The following SERPINB12 variants were observed in gnomAD, a reference collection of about 807,000 sequenced individuals.
SERPINB12 encodes serpin family B member 12.
SERPINB12 carries 57 observed loss-of-function variants against 41.1 expected under a neutral mutation model. That is an observed-to-expected ratio of 1.39 (90% confidence interval 1.12 to 1.73). The LOEUF (loss-of-function observed/expected upper bound fraction) is 1.73. Ranked by LOEUF, SERPINB12 falls within the 40% of genes most tolerant of loss-of-function variation. The pLI is 0.00. For synonymous variants in SERPINB12, 180 were observed against 181.3 expected (o/e 0.99, Z 0.06); for missense variants, 536 against 501.9 (o/e 1.07, Z -0.65).
intron 1 of SERPINB12, among the ~76,000 whole-genome samples, chr18:63,548,278 A>G (rs944205192): frequency 6.6e-6 from 1 of 152,074 alleles, no homozygotes; most frequent in African/African-American, 2.4e-5. Context: ...AATACCTTTA[A>G]AAAATTAAAA....
At chr18:63,559,229 A>T (rs1174040939) in intron 3 of SERPINB12, among the ~76,000 whole-genome samples, 3 of 151,434 alleles carry the variant, frequency 2.0e-5, no homozygotes, top group Non-Finnish European at 2.9e-5. Context: ...CTCAGCCTCC[A>T]GAGTAGCTGG....
chr18:63,537,889 T>C (rs1175074247), upstream of SERPINB12, among the ~76,000 whole-genome samples: 1 of 152,088 alleles, frequency 6.6e-6, no homozygotes, highest in African/African-American at 2.4e-5. Context: ...TTTGGATCAG[T>C]TGAGAGTAGG....
chr18:63,568,381 A>G lies in SERPINB12; in HGVS notation c.*1370A>G, dbSNP rs1911184894. Among the ~76,000 whole-genome samples the G allele has an allele frequency of 6.6e-6, 1 of 152,132 alleles. No homozygotes were observed. The highest frequency in any genetic ancestry group is 2.1e-4 in the South Asian group (1 of 4,826). On this transcript the variant is annotated 3_prime_UTR_variant, in exon 8 of 8. Transcript: ENST00000382768. ...GGGTGACAGAGCGAAACCCTGTCTC[A>G]AAAAACAAACAAACAAAAAACCCAA...
rs1280887611 is a variant in SERPINB12, at chr18:63,559,446, A to G, written c.304-132A>G. 40 of 861,854 alleles carry G rather than the reference A, an allele frequency of 4.6e-5. No individual in the cohort carries two copies. In the East Asian group the frequency reaches 1.0e-3, roughly 22 times the overall value. The allele number at this position is 861,854 out of a possible 1,614,324, so 53.4% of individuals were successfully genotyped here. The stretch of plus-strand genomic sequence containing the variant: ...TTCTTCCCAGCTCACTTCCCCCAGC[A>G]TGGTAACAGAGACAGCTGACATCTT... On this transcript the variant is annotated intron_variant, in intron 3 of 7. Coordinates refer to ENST00000382768, the MANE Select transcript of SERPINB12 (RefSeq NM_001307928.2).
At chr18:63,565,668 C>A in intron 7 of SERPINB12, 56 bp downstream of exon 7, 1 of 1,482,508 alleles carries the variant, frequency 6.7e-7, no homozygotes, top group South Asian at 1.3e-5. Context: ...CTTTAGAGAA[C>A]AACACTGTCT....
chr18:63,556,753 T>C (rs1050010533), intron 2 of SERPINB12, among the ~76,000 whole-genome samples: 1 of 152,246 alleles, frequency 6.6e-6, no homozygotes, highest in African/African-American at 2.4e-5. Flanking sequence ...GAGAGCTTGG[T>C]GTCCTCCTGG....
At chr18:63,548,291 G>T (rs556333507) in intron 1 of SERPINB12, among the ~76,000 whole-genome samples, 1 of 151,632 alleles carries the variant, frequency 6.6e-6, no homozygotes, top group Non-Finnish European at 1.5e-5. Flanking sequence ...AATTAAAAAT[G>T]TTACACATTT....
At chr18:63,534,608 T>A in the SERPINB12 span, among the ~76,000 whole-genome samples, 1 of 152,140 alleles carries the variant, frequency 6.6e-6, no homozygotes, top group African/African-American at 2.4e-5. Flanking sequence ...TTCACAAACT[T>A]TTTTTTCTTT....
intron 6 of SERPINB12, 29 bp from the exon 7 acceptor site, chr18:63,565,416 C>T (rs751095573): frequency 8.7e-6 from 14 of 1,600,778 alleles, no homozygotes; most frequent in Non-Finnish European, 1.2e-5. Context: ...CCATAGCCGT[C>T]CTGTGACCTC....
chr18:63,532,987 CT>C, the SERPINB12 span, among the ~76,000 whole-genome samples: 1 of 151,758 alleles, frequency 6.6e-6, no homozygotes, highest in East Asian at 1.9e-4. Flanking sequence ...GTTTCTTCTT[CT>C]TTTTTTTCGA....
upstream of SERPINB12, among the ~76,000 whole-genome samples, chr18:63,542,054 A>G (rs555610226): frequency 6.6e-5 from 10 of 152,284 alleles, no homozygotes; most frequent in East Asian, 1.9e-3. Flanking sequence ...TCTGTTATAA[A>G]TTATGAACTC....
At chr18:63,549,186 C>T (rs971974283) in intron 1 of SERPINB12, among the ~76,000 whole-genome samples, 10 of 152,038 alleles carry the variant, frequency 6.6e-5, no homozygotes, top group Non-Finnish European at 8.8e-5. Context: ...GGCACGTACA[C>T]ACACATCAAT....
At chr18:63,539,248 G>A (rs758014885), upstream of SERPINB12, among the ~76,000 whole-genome samples, 30 of 152,100 alleles carry the variant, frequency 2.0e-4, no homozygotes, top group Non-Finnish European at 4.0e-4. Flanking sequence ...GATAGGGGGT[G>A]TGAAAAAAGA....
rs1039803606 is a variant in SERPINB12, at chr18:63,564,137, C to T, written c.705+17C>T. 3.7e-6 allele frequency: 6 copies of T among 1,600,356 alleles called. No individual in the cohort carries two copies. The highest frequency in any genetic ancestry group is 5.1e-6 in the Non-Finnish European group (6 of 1,173,608). The stretch of plus-strand genomic sequence containing the variant: ...CTAAATGCGGTAGTGTATCAGAACT[C>T]ATGGTTTTCTAGCTAGCCAACTCAT... On this transcript the variant is annotated intron_variant, in intron 6 of 7. Coordinates refer to ENST00000382768, the MANE Select transcript of SERPINB12 (RefSeq NM_001307928.2).
chr18:63,519,653 C>G, the SERPINB12 span, among the ~76,000 whole-genome samples: 1 of 152,140 alleles, frequency 6.6e-6, no homozygotes, highest in Non-Finnish European at 1.5e-5. Context: ...TGTTAGGGAA[C>G]TAGGTCTTCT....
rs1407187396 is a variant in SERPINB12, at chr18:63,559,738, T to A, written c.444+20T>A. The A allele has an allele frequency of 2.5e-6, 4 of 1,613,232 alleles. No homozygotes were observed. The highest frequency in any genetic ancestry group is 3.4e-6 in the Non-Finnish European group (4 of 1,179,466). On this transcript the variant is annotated intron_variant, in intron 4 of 7. Coordinates refer to ENST00000382768, the MANE Select transcript of SERPINB12 (RefSeq NM_001307928.2). ...TGTCAGGTGAGTTGCACACGAATGGTGACTAAAGCTACCATGTAGCATACT... is the reference window on the plus strand; with the variant it reads ...TGTCAGGTGAGTTGCACACGAATGGAGACTAAAGCTACCATGTAGCATACT...
At chr18:63,539,294 T>C (rs1009161966), upstream of SERPINB12, among the ~76,000 whole-genome samples, 3 of 152,130 alleles carry the variant, frequency 2.0e-5, no homozygotes, top group Admixed American at 2.0e-4. Flanking sequence ...AACTTTTCAG[T>C]AATTCTAAAA....
the SERPINB12 span, among the ~76,000 whole-genome samples, chr18:63,534,005 A>G: frequency 6.6e-6 from 1 of 152,230 alleles, no homozygotes; most frequent in Non-Finnish European, 1.5e-5. Context: ...TTTGGGATGC[A>G]CAAACACTGC....
the SERPINB12 span, among the ~76,000 whole-genome samples, chr18:63,534,874 C>T: frequency 6.6e-6 from 1 of 152,142 alleles, no homozygotes; most frequent in Admixed American, 6.6e-5. Context: ...AACATGGTCT[C>T]ATTCACAACA....
Sources: gnomAD v4.1 joint callset for allele counts (sites outside exome capture counted in the v4.1 genomes callset) on GRCh38, gnomAD v4.1.1 for gene constraint, MANE v1.5 for transcripts, NCBI Gene and HGNC (gene_info 2026-07-23, HGNC 2026-07-21) for gene names.